The following KCNJ3 variants were observed in gnomAD, a reference collection of about 807,000 sequenced individuals.
KCNJ3 encodes potassium inwardly rectifying channel subfamily J member 3.
In KCNJ3, 4 loss-of-function variants were observed where a neutral mutation model predicts 39.2. The ratio of observed to expected loss-of-function variants is 0.10; its 90% confidence interval spans 0.05 to 0.23. The LOEUF is 0.23. Ranked by LOEUF, KCNJ3 falls within the 10% of genes least tolerant of loss-of-function variation. KCNJ3 has a pLI of 1.00. For synonymous variants in KCNJ3, 230 were observed against 237.4 expected, an observed-to-expected ratio of 0.97 and a Z score of 0.29; for missense variants, 276 against 634.9, an observed-to-expected ratio of 0.43 and a Z score of 6.08.
intron 2 of KCNJ3, among the ~76,000 whole-genome samples, chr2:154,763,505 G>A (rs185205293): frequency 1.4e-4 from 21 of 152,010 alleles, no homozygotes; most frequent in Admixed American, 7.2e-4. Context: ...CATCTATTCC[G>A]GGGACACAGA....
At chr2:154,798,132 C>G (rs929109963) in intron 2 of KCNJ3, among the ~76,000 whole-genome samples, 1 of 151,560 alleles carries the variant, frequency 6.6e-6, no homozygotes, top group African/African-American at 2.4e-5. Flanking sequence ...TGCACATATA[C>G]ACACTACACA....
chr2:154,799,941 AG>A (rs1270864579), intron 2 of KCNJ3, among the ~76,000 whole-genome samples: 1 of 152,216 alleles, frequency 6.6e-6, no homozygotes, highest in Non-Finnish European at 1.5e-5. Flanking sequence ...GATAAGTAAA[AG>A]TAGAACCGAG....
At chr2:154,755,285 C>A (rs1365667666) in intron 2 of KCNJ3, among the ~76,000 whole-genome samples, 1 of 151,868 alleles carries the variant, frequency 6.6e-6, no homozygotes, top group Non-Finnish European at 1.5e-5. Context: ...GATTGATTAA[C>A]CGTATTTGTT....
intron 2 of KCNJ3, among the ~76,000 whole-genome samples, chr2:154,845,129 A>ATAT (rs1443482679): frequency 6.6e-6 from 1 of 152,126 alleles, no homozygotes; most frequent in East Asian, 1.9e-4. Flanking sequence ...TGAAAAAAAT[A>ATAT]TATTTTTTGA....
At chr2:154,828,838 T>G (rs1446459612) in intron 2 of KCNJ3, among the ~76,000 whole-genome samples, 2 of 152,224 alleles carry the variant, frequency 1.3e-5, no homozygotes, top group African/African-American at 4.8e-5. Flanking sequence ...GTAAAATATT[T>G]AGTTTGAGTT....
intron 2 of KCNJ3, among the ~76,000 whole-genome samples, chr2:154,759,805 A>C (rs1686007459): frequency 6.6e-6 from 1 of 152,176 alleles, no homozygotes; most frequent in Non-Finnish European, 1.5e-5. Context: ...ATTTTTCAAA[A>C]AATAAAATTT....
rs76962881 is a variant in KCNJ3 at position 154,811,225 on chromosome 2, G to A, written c.920-43502G>A. On this transcript the variant is annotated intron_variant, in intron 2 of 2. Transcript: ENST00000295101. ...CCATACCTTCTAAATCTTCTGGAAT[G>A]CATGGCCGGAAGAGGGCTAGGAGAC... Among the ~76,000 whole-genome samples the A allele has an allele frequency of 3.9e-5, 6 of 152,242 alleles. No homozygotes were observed. In the East Asian group the frequency reaches 1.2e-3, roughly 29 times the overall value.
chr2:154,749,984 G>T (rs529683968), intron 2 of KCNJ3, among the ~76,000 whole-genome samples: 1 of 151,908 alleles, frequency 6.6e-6, no homozygotes, highest in Non-Finnish European at 1.5e-5. Flanking sequence ...ATTTACCTTT[G>T]TATGGACTCA....
At chr2:154,746,757 T>C (rs1047069853) in intron 2 of KCNJ3, among the ~76,000 whole-genome samples, 5 of 151,610 alleles carry the variant, frequency 3.3e-5, no homozygotes, top group African/African-American at 1.2e-4. Flanking sequence ...ATAAAGTCTT[T>C]TTAAAACTAC....
chr2:154,702,515 T>C (rs3111028), intron 1 of KCNJ3, among the ~76,000 whole-genome samples: 4,304 of 152,026 alleles, frequency 0.028, 53 homozygotes, highest in African/African-American at 0.037. Context: ...TGCCTAACTT[T>C]TGATGGAAGT....
intron 2 of KCNJ3, among the ~76,000 whole-genome samples, chr2:154,833,382 G>A (rs1380933611): frequency 6.6e-6 from 1 of 152,080 alleles, no homozygotes; most frequent in Non-Finnish European, 1.5e-5. Flanking sequence ...CCAATTAATA[G>A]ACTTTAGAGC....
chr2:154,739,952 G>C (rs1330875894), intron 2 of KCNJ3, among the ~76,000 whole-genome samples: 1 of 151,996 alleles, frequency 6.6e-6, no homozygotes, highest in African/African-American at 2.4e-5. Context: ...TTTCCTCTCT[G>C]TAAATAGAAA....
chr2:154,814,707 T>A (rs988227856), intron 2 of KCNJ3, among the ~76,000 whole-genome samples: 3 of 152,158 alleles, frequency 2.0e-5, no homozygotes, highest in Non-Finnish European at 4.4e-5. Flanking sequence ...TCTCAATATA[T>A]AAAATTTACA....
At chr2:154,708,711 G>A (rs7559115) in intron 1 of KCNJ3, among the ~76,000 whole-genome samples, 1 of 152,002 alleles carries the variant, frequency 6.6e-6, no homozygotes, top group Non-Finnish European at 1.5e-5. Flanking sequence ...TTACTCTCAT[G>A]GTTTGCTAAT....
intron 2 of KCNJ3, among the ~76,000 whole-genome samples, chr2:154,712,926 C>G (rs758536152): frequency 1.9e-4 from 29 of 151,954 alleles, no homozygotes; most frequent in Non-Finnish European, 3.8e-4. Flanking sequence ...TTGGTCCAGT[C>G]TGGGGGAAGA....
At chr2:154,821,705 G>A (rs534620896) in intron 2 of KCNJ3, among the ~76,000 whole-genome samples, 50 of 141,670 alleles carry the variant, frequency 3.5e-4, no homozygotes, top group Non-Finnish European at 6.7e-4. Context: ...TTAGTGGTGC[G>A]ATCTCCGCTC....
At chr2:154,724,030 C>T (rs1044705949) in intron 2 of KCNJ3, among the ~76,000 whole-genome samples, 9 of 152,046 alleles carry the variant, frequency 5.9e-5, no homozygotes, top group African/African-American at 2.2e-4. Flanking sequence ...CTAGAGAGCA[C>T]TGTTGAATCA....
chr2:154,717,513 GT>G (rs1482773524), intron 2 of KCNJ3, among the ~76,000 whole-genome samples: 5 of 152,124 alleles, frequency 3.3e-5, no homozygotes, highest in African/African-American at 1.2e-4. Context: ...ACCTGTGACT[GT>G]TTAAAATAAT....
intron 2 of KCNJ3, among the ~76,000 whole-genome samples, chr2:154,712,829 A>C (rs892616437): frequency 6.6e-6 from 1 of 152,042 alleles, no homozygotes; most frequent in African/African-American, 2.4e-5. Context: ...GATAGGGATA[A>C]AGGGTTCCTG....
Sources: allele counts gnomAD v4.1 joint callset (sites outside exome capture counted in the v4.1 genomes callset), GRCh38; gene constraint gnomAD v4.1.1; transcripts MANE v1.5; gene names NCBI Gene and HGNC (gene_info 2026-07-23, HGNC 2026-07-21).